MAGI2: variants seen among roughly 807,000 people sequenced by gnomAD.
The protein encoded by MAGI2 is membrane associated guanylate kinase, WW and PDZ domain containing 2, also known as membrane-associated guanylate kinase, WW and PDZ domain-containing protein 2.
In MAGI2, 35 loss-of-function variants were observed where a neutral mutation model predicts 133.3. The observed-to-expected ratio is 0.26, with a 90% confidence interval of 0.20 to 0.35. The LOEUF (loss-of-function observed/expected upper bound fraction) is 0.35, where lower values mean the gene tolerates loss of function less well. Ranked by LOEUF, MAGI2 falls within the 10% of genes least tolerant of loss-of-function variation. The probability of loss-of-function intolerance (pLI) is 1.00; values close to 1 mark genes in which losing one functional copy is unlikely to be tolerated. For missense variants in MAGI2, 1,636 were observed against 1,863.4 expected, an observed-to-expected ratio of 0.88 and a Z score of 2.25; for synonymous variants, 729 against 710.6, an observed-to-expected ratio of 1.03 and a Z score of -0.41.
At chr7:79,372,508 A>AT (rs1288845207) in intron 1 of MAGI2, among the ~76,000 whole-genome samples, 1 of 152,104 alleles carries the variant, frequency 6.6e-6, no homozygotes, top group East Asian at 1.9e-4. Flanking sequence ...GATAACAGGG[A>AT]TTTTTATCTA....
rs542605996 is a variant in MAGI2 at position 78,592,812 on chromosome 7, A to C, written c.538+34308T>G. ...TGTAAAAGCCCTTGCATGCCCTCCG[A>C]AAAATTACTGATTCTCTTTTTTTTT... On this transcript the variant is annotated intron_variant, in intron 3 of 21. Coordinates refer to ENST00000354212, the MANE Select transcript of MAGI2 (RefSeq NM_012301.4). Among the ~76,000 whole-genome samples the C allele has an allele frequency of 1.4e-4, 20 of 147,862 alleles. No homozygotes were observed. In the South Asian group the frequency reaches 4.4e-3, roughly 33 times the overall value.
At chr7:78,541,188 A>G (rs1375999655) in intron 3 of MAGI2, among the ~76,000 whole-genome samples, 1 of 152,236 alleles carries the variant, frequency 6.6e-6, no homozygotes, top group Non-Finnish European at 1.5e-5. Flanking sequence ...CCAGGCTGCA[A>G]TAAGGATTTT....
chr7:78,795,071 A>G (rs1297054290), intron 2 of MAGI2, among the ~76,000 whole-genome samples: 1 of 152,116 alleles, frequency 6.6e-6, no homozygotes, highest in African/African-American at 2.4e-5. Context: ...TACTCAGAGC[A>G]ATTGAAAAGA....
At chr7:79,162,453 G>A (rs542965846) in intron 1 of MAGI2, among the ~76,000 whole-genome samples, 95 of 152,110 alleles carry the variant, frequency 6.2e-4, no homozygotes, top group Admixed American at 1.7e-3. Flanking sequence ...GAAGAGGTGA[G>A]TGCGTGAAAT....
intron 1 of MAGI2, among the ~76,000 whole-genome samples, chr7:79,367,878 TC>T (rs1842821784): frequency 1.7e-5 from 2 of 116,554 alleles, no homozygotes; most frequent in Admixed American, 8.7e-5. Flanking sequence ...TATATATATG[TC>T]ATTGACTGGT....
In MAGI2 at chr7:78,990,452, T is replaced by C. The variant is rs138933425; in HGVS notation, c.418+16638A>G. Among the ~76,000 whole-genome samples the C allele has an allele frequency of 2.0e-5, 3 of 152,174 alleles. No individual in the cohort carries two copies. In the East Asian group the frequency reaches 5.8e-4, roughly 29 times the overall value. On this transcript the variant is annotated intron_variant, in intron 2 of 21. Coordinates refer to ENST00000354212, the MANE Select transcript of MAGI2 (RefSeq NM_012301.4). ...GTAGAAATTCCACCTCTATTCCTCT[T>C]ACGCTCATTACAAGAACTGAGGATT...
intron 10 of MAGI2, among the ~76,000 whole-genome samples, chr7:78,216,030 T>G (rs1435083579): frequency 6.6e-6 from 1 of 152,218 alleles, no homozygotes; most frequent in Non-Finnish European, 1.5e-5. Flanking sequence ...TAGTATGAAC[T>G]GAAAGTATGA....
intron 13 of MAGI2, among the ~76,000 whole-genome samples, chr7:78,182,916 C>A (rs578039973): frequency 6.6e-6 from 1 of 152,282 alleles, no homozygotes; most frequent in South Asian, 2.1e-4. Context: ...GCATAATTAT[C>A]ATTGGCCATC....
In MAGI2 at chr7:78,678,517, T is replaced by C. The variant is rs544667718; in HGVS notation, c.419-51278A>G. ...CCTGTTGTTCTGATGTAATTATTAG[T>C]CAACCCCCTTCCTTCTGTAATGGTT... On this transcript the variant is annotated intron_variant, in intron 2 of 21. Transcript: ENST00000354212. Among the ~76,000 whole-genome samples, 7 of 152,302 alleles carry C rather than the reference T, an allele frequency of 4.6e-5. No individual in the cohort carries two copies. In the South Asian group the frequency reaches 1.4e-3, roughly 32 times the overall value.
At position 78,470,162 on chromosome 7, in the gene MAGI2, G is replaced by GC. The variant is rs775000509; in HGVS notation, c.1045+19598dup. On this transcript the variant is annotated intron_variant, in intron 6 of 21. Transcript: ENST00000354212. ...TTCACACCCAAGTCTCTAGCACAGT[G>GC]CCTAGCATGACACTGGTGGAGAAAT... 3.4e-4 allele frequency among the ~76,000 whole-genome samples: 51 copies of GC among 152,194 alleles called. 1 individual carries two copies. Among genetic ancestry groups the GC allele is most frequent in the Middle Eastern group, 6.8e-3 (2 of 292 alleles).
intron 1 of MAGI2, among the ~76,000 whole-genome samples, chr7:79,111,646 T>C (rs562462916): frequency 9.3e-4 from 141 of 152,200 alleles, no homozygotes; most frequent in African/African-American, 3.3e-3. Context: ...TACACAGTTG[T>C]CCAAATAGAG....
intron 2 of MAGI2, among the ~76,000 whole-genome samples, chr7:78,943,983 C>T (rs536263517): frequency 1.3e-5 from 2 of 152,056 alleles, no homozygotes; most frequent in Non-Finnish European, 1.5e-5. Flanking sequence ...CAAAAGTTCC[C>T]AAGAGAAAGT....
chr7:78,249,627 C>T (rs1431050052), intron 10 of MAGI2, among the ~76,000 whole-genome samples: 2 of 152,030 alleles, frequency 1.3e-5, no homozygotes, highest in East Asian at 1.9e-4. Flanking sequence ...ACTGCACGAT[C>T]TCACTTATAT....
intron 1 of MAGI2, among the ~76,000 whole-genome samples, chr7:79,225,719 C>A (rs982867378): frequency 6.6e-6 from 1 of 152,080 alleles, no homozygotes; most frequent in Non-Finnish European, 1.5e-5. Context: ...TTATAAAACT[C>A]TCTGGATTAA....
In MAGI2 at chr7:78,540,162, G is replaced by C. The variant is rs972412365; in HGVS notation, c.539-18517C>G. On this transcript the variant is annotated intron_variant, in intron 3 of 21. Coordinates refer to ENST00000354212, the MANE Select transcript of MAGI2 (RefSeq NM_012301.4). ...CAGCACCCAAAAGTTTATGTCTTTC[G>C]TCTTTGGCTACTAGGGTGGGTAGAG... Among the ~76,000 whole-genome samples, 4 of 152,176 alleles carry C rather than the reference G, an allele frequency of 2.6e-5. No individual in the cohort carries two copies. In the East Asian group the frequency reaches 7.7e-4, roughly 29 times the overall value.
At chr7:79,078,465 A>G (rs1295376032) in intron 1 of MAGI2, among the ~76,000 whole-genome samples, 2 of 152,218 alleles carry the variant, frequency 1.3e-5, no homozygotes, top group African/African-American at 2.4e-5. Context: ...TACCAAAGGT[A>G]TATTTACACA....
intron 2 of MAGI2, among the ~76,000 whole-genome samples, chr7:78,872,661 C>G (rs2151525151): frequency 1.3e-5 from 2 of 151,284 alleles, no homozygotes; most frequent in Middle Eastern, 6.9e-3. Flanking sequence ...AACTGATCAA[C>G]AGTTTTTATT....
intron 1 of MAGI2, among the ~76,000 whole-genome samples, chr7:79,271,042 C>T (rs955409876): frequency 5.9e-5 from 9 of 152,094 alleles, no homozygotes; most frequent in African/African-American, 2.2e-4. Context: ...CAACATCCAA[C>T]TTATGGCTCT....
At chr7:79,297,311 G>T (rs1837014993) in intron 1 of MAGI2, among the ~76,000 whole-genome samples, 1 of 152,180 alleles carries the variant, frequency 6.6e-6, no homozygotes, top group Admixed American at 6.5e-5. Context: ...AGATGAGCAA[G>T]ATAGATGGGG....
Sources: allele counts gnomAD v4.1 joint callset (sites outside exome capture counted in the v4.1 genomes callset), GRCh38; gene constraint gnomAD v4.1.1; transcripts MANE v1.5; gene names NCBI Gene and HGNC (gene_info 2026-07-23, HGNC 2026-07-21).